Variants in CHD1L observed in about 807,000 individuals in gnomAD.
CHD1L encodes the protein chromodomain helicase DNA binding protein 1 like, also known as ATP-dependent chromatin remodeler CHD1L.
Under a neutral mutation model 115.9 loss-of-function variants are expected in CHD1L, and 118 were observed. That is an observed-to-expected ratio of 1.02 (90% CI 0.88 to 1.19). CHD1L has a LOEUF of 1.19. Among genes scored for constraint, CHD1L ranks in the 50% most tolerant of loss-of-function variants. The pLI is 0.00. For missense variants in CHD1L, 1,179 were observed against 1,065.3 expected, an observed-to-expected ratio of 1.11 and a Z score of -1.49; for synonymous variants, 411 against 387.1, an observed-to-expected ratio of 1.06 and a Z score of -0.72.
At chr1:147,220,944 CAA>C in the CHD1L span, among the ~76,000 whole-genome samples, 1 of 137,340 alleles carries the variant, frequency 7.3e-6, no homozygotes, top group Non-Finnish European at 1.6e-5. Context: ...TTTAAGTTTC[CAA>C]AAAAAAAAAA....
the CHD1L span, among the ~76,000 whole-genome samples, chr1:147,207,601 ATTAC>A: frequency 2.0e-4 from 31 of 152,094 alleles, no homozygotes; most frequent in Non-Finnish European, 3.5e-4. Flanking sequence ...CCTCGGGAAA[ATTAC>A]TTAGTTTCTC....
intron 10 of CHD1L, 32 bp from the exon 11 acceptor site, chr1:147,270,900 T>C (rs782249818): frequency 2.4e-5 from 38 of 1,596,886 alleles, no homozygotes; most frequent in Non-Finnish European, 3.0e-5. Flanking sequence ...ACCACTAGAC[T>C]TGGCAGTGTT....
At chr1:147,252,133 C>T (rs1668597398) in intron 1 of CHD1L, among the ~76,000 whole-genome samples, 1 of 152,198 alleles carries the variant, frequency 6.6e-6, no homozygotes, top group Admixed American at 6.5e-5. Flanking sequence ...TGTGAAACAT[C>T]ATTTCCATTC....
intron 20 of CHD1L, among the ~76,000 whole-genome samples, chr1:147,292,426 C>G (rs1685884333): frequency 6.6e-6 from 1 of 152,172 alleles, no homozygotes; most frequent in Admixed American, 6.5e-5. Context: ...GGCCTGGGTT[C>G]ATGTTCAGAT....
chr1:147,292,702 C>A (rs7519713), intron 20 of CHD1L, among the ~76,000 whole-genome samples: 2 of 152,168 alleles, frequency 1.3e-5, no homozygotes. Context: ...GTGTATCACA[C>A]ATGGCAAGAG....
At chr1:147,264,802 T>C (rs1171678472) in intron 7 of CHD1L, among the ~76,000 whole-genome samples, 1 of 152,234 alleles carries the variant, frequency 6.6e-6, no homozygotes, top group African/African-American at 2.4e-5. Flanking sequence ...GATTCTGCAG[T>C]AGGGCTTCTT....
chr1:147,254,565 G>C lies in CHD1L; in HGVS notation c.241-305G>C, dbSNP rs587639846. ...CTTGGCCATCAGTTGGATTTTCATTGATTTCTATTGTCTTTCCTGACTTTT... is the reference window on the plus strand; with the variant it reads ...CTTGGCCATCAGTTGGATTTTCATTCATTTCTATTGTCTTTCCTGACTTTT... On this transcript the variant is annotated intron_variant, in intron 2 of 22. Coordinates refer to ENST00000369258, the MANE Select transcript of CHD1L (RefSeq NM_004284.6). 1.7e-3 allele frequency among the ~76,000 whole-genome samples: 264 copies of C among 152,252 alleles called. 2 individuals are homozygous for C. The highest frequency in any genetic ancestry group is 6.2e-3 in the African/African-American group (258 of 41,548).
At chr1:147,294,559 G>A in intron 22 of CHD1L, 42 bp downstream of exon 22, 1 of 1,475,090 alleles carries the variant, frequency 6.8e-7, no homozygotes, top group Non-Finnish European at 9.4e-7. Context: ...CCCAACCCAA[G>A]AGGGAAAATG....
At chr1:147,218,429 G>T in the CHD1L span, among the ~76,000 whole-genome samples, 1 of 151,230 alleles carries the variant, frequency 6.6e-6, no homozygotes, top group Non-Finnish European at 1.5e-5. Context: ...AGTAGAGACG[G>T]GTTTCACCAT....
At chr1:147,193,265 C>A in the CHD1L span, among the ~76,000 whole-genome samples, 1 of 152,074 alleles carries the variant, frequency 6.6e-6, no homozygotes, top group Non-Finnish European at 1.5e-5. Context: ...GGAATTTATC[C>A]GTTTCTTCTA....
chr1:147,198,723 C>T, the CHD1L span, among the ~76,000 whole-genome samples: 10 of 151,774 alleles, frequency 6.6e-5, no homozygotes, highest in South Asian at 4.2e-4. Flanking sequence ...TGGTGGCGGG[C>T]GCCTGTAGTC....
At chr1:147,263,837 G>A (rs1219983681) in intron 6 of CHD1L, among the ~76,000 whole-genome samples, 8 of 151,630 alleles carry the variant, frequency 5.3e-5, no homozygotes, top group Admixed American at 2.0e-4. Flanking sequence ...GTTCTTCTTT[G>A]TTGTTGAAAA....
Position 147,294,583 on chromosome 1 carries a change from G to A in CHD1L, c.2615+66G>A. ...AGAGGGAAAATGTGTTCATTTTCTGGTGTCAGTTCTTAATCCAAGACCAAG... is the reference window on the plus strand; with the variant it reads ...AGAGGGAAAATGTGTTCATTTTCTGATGTCAGTTCTTAATCCAAGACCAAG... On this transcript the variant is annotated intron_variant, in intron 22 of 22. Coordinates refer to ENST00000369258, the MANE Select transcript of CHD1L (RefSeq NM_004284.6). 2.3e-6 allele frequency: 3 copies of A among 1,299,478 alleles called. No homozygotes were observed. The South Asian group carries it at 4.0e-5, about 17-fold the overall frequency. 80.5% of individuals were successfully genotyped at this position (1,299,478 alleles called of 1,614,324 possible). A position where few individuals can be genotyped will look rare whatever the true frequency, so the allele number is the denominator to read the frequency against.
chr1:147,201,361 G>A, the CHD1L span: 14 of 1,614,184 alleles, frequency 8.7e-6, no homozygotes, highest in South Asian at 1.2e-4. Flanking sequence ...AAAGATAACA[G>A]CATCAATGTC....
chr1:147,278,507 G>A (rs1183437939), intron 14 of CHD1L, among the ~76,000 whole-genome samples: 1 of 137,214 alleles, frequency 7.3e-6, no homozygotes, highest in Non-Finnish European at 1.5e-5. Context: ...ACAGGCATGA[G>A]CCACTGCGCC....
the CHD1L span, chr1:147,208,656 C>G: frequency 2.1e-6 from 1 of 473,324 alleles, no homozygotes; most frequent in Non-Finnish European, 3.9e-6. Context: ...CCAGGATGGT[C>G]TCAAACTCCT....
intron 19 of CHD1L, among the ~76,000 whole-genome samples, chr1:147,291,154 A>G (rs1685377212): frequency 6.6e-6 from 1 of 152,212 alleles, no homozygotes; most frequent in African/African-American, 2.4e-5. Flanking sequence ...GGACAAGCAC[A>G]AAACTACCAA....
In CHD1L at chr1:147,259,824, T is replaced by C. The variant is rs1553942672; in HGVS notation, c.495-13T>C. The C allele has an allele frequency of 6.2e-7, 1 of 1,607,706 alleles. No homozygotes were observed. ...AATTACACAAAACTGAAAGCTTGGG[T>C]TTTCTCTCACAGATTCCCTTGGAGT... On this transcript the variant is annotated splice_polypyrimidine_tract_variant and intron_variant, in intron 5 of 22. Transcript: ENST00000369258.
chr1:147,199,498 C>A, the CHD1L span, among the ~76,000 whole-genome samples: 1 of 152,168 alleles, frequency 6.6e-6, no homozygotes, highest in Non-Finnish European at 1.5e-5. Context: ...TCCCTAAGAT[C>A]CCATAATCTC....
Sources: gnomAD v4.1 joint callset for allele counts (sites outside exome capture counted in the v4.1 genomes callset) on GRCh38, gnomAD v4.1.1 for gene constraint, MANE v1.5 for transcripts, NCBI Gene and HGNC (gene_info 2026-07-23, HGNC 2026-07-21) for gene names.